KLHL1: variants seen among roughly 807,000 people sequenced by gnomAD.
KLHL1 encodes the protein kelch-like protein 1.
In KLHL1, 47 loss-of-function variants were observed where a neutral mutation model predicts 77.7. The ratio of observed to expected loss-of-function variants is 0.60; its 90% CI spans 0.48 to 0.77. KLHL1 has a LOEUF of 0.77. Among genes scored for constraint, KLHL1 ranks in the 30% least tolerant of loss-of-function variants. The pLI is 0.00. For synonymous variants in KLHL1, 360 were observed against 325.2 expected, an observed-to-expected ratio of 1.11 and a Z score of -1.15; for missense variants, 925 against 910.8, an observed-to-expected ratio of 1.02 and a Z score of -0.20.
At chr13:70,036,520 T>C (rs1489487836) in intron 1 of KLHL1, among the ~76,000 whole-genome samples, 3 of 151,932 alleles carry the variant, frequency 2.0e-5, no homozygotes, top group African/African-American at 7.2e-5. Context: ...CATACGTATG[T>C]GTGTATGGGT....
At chr13:69,761,243 A>C (rs1428576026) in intron 7 of KLHL1, among the ~76,000 whole-genome samples, 2 of 152,218 alleles carry the variant, frequency 1.3e-5, no homozygotes, top group Non-Finnish European at 2.9e-5. Flanking sequence ...ACAGAAAGGA[A>C]AATGATGCAC....
intron 1 of KLHL1, among the ~76,000 whole-genome samples, chr13:70,057,435 T>A (rs188779058): frequency 5.7e-4 from 77 of 134,948 alleles, no homozygotes; most frequent in African/African-American, 2.1e-3. Context: ...CTGAGGCCAG[T>A]ATGCCCTGAT....
intron 7 of KLHL1, among the ~76,000 whole-genome samples, chr13:69,782,585 A>C (rs910190203): frequency 6.6e-6 from 1 of 152,202 alleles, no homozygotes; most frequent in African/African-American, 2.4e-5. Flanking sequence ...GTCTGAGATC[A>C]AACTGCAAGG....
chr13:69,836,812 C>T (rs1043182033), intron 6 of KLHL1, among the ~76,000 whole-genome samples: 1 of 151,280 alleles, frequency 6.6e-6, no homozygotes, highest in Admixed American at 6.6e-5. Flanking sequence ...CAGGATTGTA[C>T]CATAGGCTGT....
intron 3 of KLHL1, 60 bp downstream of exon 3, chr13:69,961,248 A>G (rs756076954): frequency 7.9e-6 from 12 of 1,520,640 alleles, no homozygotes; most frequent in Admixed American, 3.7e-5. Flanking sequence ...TCCTGTACTT[A>G]AAGGAAATGA....
intron 1 of KLHL1, among the ~76,000 whole-genome samples, chr13:70,060,469 G>A (rs753346889): frequency 6.6e-6 from 1 of 151,604 alleles, no homozygotes; most frequent in African/African-American, 2.4e-5. Flanking sequence ...GCCCTCCCAT[G>A]TTTATTGCTG....
chr13:69,909,398 T>A (rs2138240582), intron 4 of KLHL1, among the ~76,000 whole-genome samples: 1 of 152,036 alleles, frequency 6.6e-6, no homozygotes, highest in Non-Finnish European at 1.5e-5. Flanking sequence ...TTCCAAAGAA[T>A]TTTTTTAATC....
intron 6 of KLHL1, among the ~76,000 whole-genome samples, chr13:69,827,052 A>C (rs1243738974): frequency 6.6e-6 from 1 of 151,474 alleles, no homozygotes; most frequent in East Asian, 1.9e-4. Flanking sequence ...AAATTTTGAA[A>C]TGTGGGCTGA....
Position 70,065,428 on chromosome 13 carries a change from G to A in KLHL1, c.497+41775C>T, listed in dbSNP as rs536632715. 3.9e-5 allele frequency among the ~76,000 whole-genome samples: 6 copies of A among 152,244 alleles called. No individual in the cohort carries two copies. The South Asian group carries it at 6.2e-4, about 16-fold the overall frequency. ...TACACCTTGAGACATATTAGGGAAA[G>A]CACAATAGAGTGGGGAGATATGGAA... On this transcript the variant is annotated intron_variant, in intron 1 of 10. Coordinates refer to ENST00000377844, the MANE Select transcript of KLHL1 (RefSeq NM_020866.3).
chr13:69,729,632 T>C (rs1472862942), intron 8 of KLHL1, among the ~76,000 whole-genome samples: 1 of 152,124 alleles, frequency 6.6e-6, no homozygotes. Context: ...CTAATGATTA[T>C]GTTTCTGAGT....
At chr13:69,778,718 G>T (rs1189451397) in intron 7 of KLHL1, among the ~76,000 whole-genome samples, 1 of 150,740 alleles carries the variant, frequency 6.6e-6, no homozygotes, top group Non-Finnish European at 1.5e-5. Flanking sequence ...ATTTGTAAGA[G>T]AATGTTTGCA....
At chr13:69,924,169 G>A (rs1171709350) in intron 4 of KLHL1, among the ~76,000 whole-genome samples, 1 of 152,194 alleles carries the variant, frequency 6.6e-6, no homozygotes, top group Non-Finnish European at 1.5e-5. Context: ...GTGCTCCTCA[G>A]CACAAACAGC....
intron 1 of KLHL1, among the ~76,000 whole-genome samples, chr13:70,068,495 T>A (rs1373672276): frequency 1.4e-5 from 1 of 73,652 alleles, no homozygotes; most frequent in African/African-American, 6.8e-5. Flanking sequence ...GTGGCACATA[T>A]TTGAGTTTCA....
At chr13:70,007,455 A>C (rs1593669007) in intron 1 of KLHL1, among the ~76,000 whole-genome samples, 1 of 151,836 alleles carries the variant, frequency 6.6e-6, no homozygotes, top group Non-Finnish European at 1.5e-5. Context: ...AAAAAAAAAA[A>C]CACAAGTAAA....
At chr13:70,086,679 A>T (rs1887552482) in intron 1 of KLHL1, among the ~76,000 whole-genome samples, 1 of 151,090 alleles carries the variant, frequency 6.6e-6, no homozygotes, top group Non-Finnish European at 1.5e-5. Context: ...TCTAGATATT[A>T]ATCACAGCTC....
chr13:69,967,922 C>T (rs1024488178), intron 2 of KLHL1, among the ~76,000 whole-genome samples: 4 of 150,780 alleles, frequency 2.7e-5, no homozygotes, highest in Non-Finnish European at 5.9e-5. Flanking sequence ...GAATATTACA[C>T]AAACTTAATT....
chr13:70,042,437 G>A (rs760812061), intron 1 of KLHL1, among the ~76,000 whole-genome samples: 1 of 152,054 alleles, frequency 6.6e-6, no homozygotes, highest in African/African-American at 2.4e-5. Flanking sequence ...AGTCAACAAT[G>A]TACCATATAT....
chr13:69,803,923 A>T (rs1347715910), intron 6 of KLHL1, among the ~76,000 whole-genome samples: 1 of 152,166 alleles, frequency 6.6e-6, no homozygotes, highest in Non-Finnish European at 1.5e-5. Context: ...CCTAGCTAAC[A>T]CCTTGATTTC....
chr13:70,002,946 T>G (rs1427595955), intron 1 of KLHL1, among the ~76,000 whole-genome samples: 2 of 151,644 alleles, frequency 1.3e-5, no homozygotes, highest in African/African-American at 4.8e-5. Context: ...GAAAATAAGA[T>G]ACACACATTT....
Sources: gnomAD v4.1 joint callset for allele counts (sites outside exome capture counted in the v4.1 genomes callset) on GRCh38, gnomAD v4.1.1 for gene constraint, MANE v1.5 for transcripts, NCBI Gene and HGNC (gene_info 2026-07-23, HGNC 2026-07-21) for gene names.